GOLGA3: variants seen among roughly 807,000 people sequenced by gnomAD.
GOLGA3 encodes the protein golgin subfamily A member 3.
In GOLGA3, 75 loss-of-function variants were observed where a neutral mutation model predicts 169.4. The observed-to-expected ratio is 0.44, with a 90% CI of 0.37 to 0.54. The LOEUF is 0.54. GOLGA3 is among the 20% of genes least tolerant of loss of function. GOLGA3 has a pLI of 0.00. For missense variants in GOLGA3, 1,899 were observed against 1,930.0 expected (o/e 0.98, Z 0.30); for synonymous variants, 824 against 822.4 (o/e 1.00, Z -0.03).
chr12:132,821,832 CG>C (rs1427290081), intron 2 of GOLGA3, among the ~76,000 whole-genome samples, 163 bp downstream of exon 2: 1 of 121,654 alleles, frequency 8.2e-6, no homozygotes, highest in African/African-American at 3.0e-5. Flanking sequence ...CCAGCCTGGG[CG>C]AAAGAGCGAG....
At chr12:132,806,934 C>A (rs1196052009) in intron 6 of GOLGA3, among the ~76,000 whole-genome samples, 1 of 152,044 alleles carries the variant, frequency 6.6e-6, no homozygotes, top group Non-Finnish European at 1.5e-5. Flanking sequence ...CACCTAACAT[C>A]TAGCAAATAT....
chr12:132,825,467 T>A (rs1950373250), intron 1 of GOLGA3, among the ~76,000 whole-genome samples: 1 of 152,220 alleles, frequency 6.6e-6, no homozygotes, highest in Admixed American at 6.5e-5. Context: ...CAGGTTTAAT[T>A]TGCCGAATTA....
intron 16 of GOLGA3, among the ~76,000 whole-genome samples, chr12:132,782,917 G>A (rs983498996): frequency 1.3e-5 from 2 of 150,344 alleles, no homozygotes; most frequent in African/African-American, 2.4e-5. Flanking sequence ...AAGAAACATC[G>A]AAAACTAAAA....
intron 11 of GOLGA3, among the ~76,000 whole-genome samples, chr12:132,794,750 C>T (rs1329489903): frequency 1.3e-5 from 2 of 152,176 alleles, no homozygotes; most frequent in Non-Finnish European, 2.9e-5. Flanking sequence ...AAATTTACTC[C>T]CCCAACACTG....
At chr12:132,790,008 G>A (rs993182154) in intron 12 of GOLGA3, among the ~76,000 whole-genome samples, 42 of 151,260 alleles carry the variant, frequency 2.8e-4, no homozygotes, top group African/African-American at 8.5e-4. Flanking sequence ...ACTCCAGCCC[G>A]GGCGACACAG....
intron 7 of GOLGA3, among the ~76,000 whole-genome samples, chr12:132,802,324 A>G (rs1949165628): frequency 6.6e-6 from 1 of 150,762 alleles, no homozygotes; most frequent in Non-Finnish European, 1.5e-5. Flanking sequence ...CTTGACCAAC[A>G]AGCCTGAGCA....
At chr12:132,828,293 C>A (rs550226377) in intron 1 of GOLGA3, 1 of 152,394 alleles carries the variant, frequency 6.6e-6, no homozygotes, top group East Asian at 1.9e-4. Context: ...ATACCCAGGA[C>A]CCGCCACACG....
At chr12:132,825,111 C>G (rs1950356824) in intron 1 of GOLGA3, among the ~76,000 whole-genome samples, 1 of 152,192 alleles carries the variant, frequency 6.6e-6, no homozygotes, top group Non-Finnish European at 1.5e-5. Context: ...AATTTCCTAG[C>G]AAAAGAAAAC....
At chr12:132,812,838 G>C (rs1192444517) in intron 4 of GOLGA3, among the ~76,000 whole-genome samples, 1 of 152,236 alleles carries the variant, frequency 6.6e-6, no homozygotes, top group Non-Finnish European at 1.5e-5. Flanking sequence ...CCACCCTGAT[G>C]AGTCAGCAGC....
intron 13 of GOLGA3, among the ~76,000 whole-genome samples, chr12:132,788,655 CA>C (rs1334862334): frequency 6.6e-6 from 1 of 152,194 alleles, no homozygotes; most frequent in Non-Finnish European, 1.5e-5. Context: ...GGGGTCTCCA[CA>C]AAACACTCAC....
In GOLGA3 at chr12:132,773,164, G is replaced by A. The variant is rs1256481423; in HGVS notation, c.4438C>T (p.Arg1480Cys). 9.5e-6 allele frequency: 15 copies of A among 1,583,760 alleles called. No individual in the cohort carries two copies. The highest frequency in any genetic ancestry group is 1.2e-5 in the Non-Finnish European group (14 of 1,164,396). Residue 1480 changes from arginine (R) to cysteine (C), a missense_variant, in exon 24 of 24, where the codon CGC becomes TGC. Physicochemically the swap from Arg to Cys is radical, Grantham distance 180. Transcript: ENST00000450791. ...TGACTGTGTCTCTGTGGGTCGCCGC[G>A]TGGGCCGGCGTGACCCCCCGGGGGC... ...PVPPGGHAGP[R>C]GDPQRHSQSR...
At chr12:132,780,479 C>G (rs2045538402) in intron 18 of GOLGA3, among the ~76,000 whole-genome samples, 1 of 152,236 alleles carries the variant, frequency 6.6e-6, no homozygotes, top group Admixed American at 6.5e-5. Context: ...CTGCCGAACA[C>G]AAATGGGATC....
chr12:132,805,825 G>A (rs186813889), intron 6 of GOLGA3, among the ~76,000 whole-genome samples: 20 of 152,320 alleles, frequency 1.3e-4, no homozygotes, highest in African/African-American at 3.6e-4. Flanking sequence ...ACGTGTACAC[G>A]GGTGCACATG....
intron 4 of GOLGA3, among the ~76,000 whole-genome samples, chr12:132,810,229 C>CA (rs1363962388): frequency 6.6e-6 from 1 of 152,094 alleles, no homozygotes; most frequent in Non-Finnish European, 1.5e-5. Context: ...GCCTGGGTGA[C>CA]AGAGTGAGAC....
intron 2 of GOLGA3, among the ~76,000 whole-genome samples, chr12:132,821,584 C>T (rs557209351): frequency 6.6e-6 from 1 of 152,260 alleles, no homozygotes; most frequent in African/African-American, 2.4e-5. Flanking sequence ...GGCACAGTGG[C>T]TCACACCTGT....
At chr12:132,788,491 A>C (rs983912681) in intron 13 of GOLGA3, among the ~76,000 whole-genome samples, 1 of 152,042 alleles carries the variant, frequency 6.6e-6, no homozygotes, top group African/African-American at 2.4e-5. Flanking sequence ...TGCAGCCGAG[A>C]AACTGTCACC....
chr12:132,779,371 G>A (rs973559506), intron 18 of GOLGA3, among the ~76,000 whole-genome samples: 21 of 152,112 alleles, frequency 1.4e-4, no homozygotes, highest in African/African-American at 3.1e-4. Flanking sequence ...GAGCCACCGC[G>A]CCCAGCCACC....
At position 132,821,066 on chromosome 12, in the gene GOLGA3, C is replaced by T. The variant is rs569645310; in HGVS notation, c.133+930G>A. The stretch of plus-strand genomic sequence containing the variant: ...AGTGAGCTGAGATGGTGCCACTGCA[C>T]TCCAGCCTGGGCGACAGAACAGGAC... On this transcript the variant is annotated intron_variant, in intron 2 of 23. Coordinates refer to ENST00000450791, the MANE Select transcript of GOLGA3 (RefSeq NM_001389683.1). Among the ~76,000 whole-genome samples, 68 of 139,118 alleles carry T rather than the reference C, an allele frequency of 4.9e-4. No homozygotes were observed. The South Asian group carries it at 9.7e-3, about 20-fold the overall frequency. 91.3% of individuals were successfully genotyped at this position (139,118 alleles called of 152,430 possible).
chr12:132,824,954 G>A (rs1593410388), intron 1 of GOLGA3, among the ~76,000 whole-genome samples: 1 of 152,182 alleles, frequency 6.6e-6, no homozygotes, highest in East Asian at 1.9e-4. Flanking sequence ...AACAAGGGGA[G>A]GAGCATCAGC....
Sources: allele counts gnomAD v4.1 joint callset (sites outside exome capture counted in the v4.1 genomes callset), GRCh38; gene constraint gnomAD v4.1.1; transcripts MANE v1.5; gene names NCBI Gene and HGNC (gene_info 2026-07-23, HGNC 2026-07-21).